The following RGS7 variants were observed in gnomAD, a reference collection of about 807,000 sequenced individuals.
The protein encoded by RGS7 is regulator of G-protein signaling 7.
RGS7 carries 27 observed loss-of-function variants against 81.1 expected under a neutral mutation model. The observed-to-expected ratio is 0.33, with a 90% CI of 0.25 to 0.46. The LOEUF is 0.46. RGS7 is among the 20% of genes least tolerant of loss of function. The probability of loss-of-function intolerance (pLI) is 1.00; values close to 1 mark genes in which losing one functional copy is unlikely to be tolerated. For missense variants in RGS7, 396 were observed against 607.4 expected, an observed-to-expected ratio of 0.65 and a Z score of 3.66; for synonymous variants, 208 against 207.7, an observed-to-expected ratio of 1.00 and a Z score of -0.01.
chr1:241,341,208 T>C (rs1313218886), intron 2 of RGS7, among the ~76,000 whole-genome samples: 1 of 152,158 alleles, frequency 6.6e-6, no homozygotes, highest in Non-Finnish European at 1.5e-5. Context: ...CAGAAATTAT[T>C]ATCCCTACTT....
At chr1:241,319,737 A>G (rs944180759) in intron 2 of RGS7, among the ~76,000 whole-genome samples, 3 of 152,178 alleles carry the variant, frequency 2.0e-5, no homozygotes, top group African/African-American at 7.2e-5. Flanking sequence ...TAACATAATC[A>G]TATCTCACTT....
intron 3 of RGS7, among the ~76,000 whole-genome samples, chr1:241,065,197 TATATC>T (rs1008476006): frequency 3.0e-5 from 3 of 98,522 alleles, no homozygotes; most frequent in South Asian, 4.5e-4. Flanking sequence ...GATTAAAAGA[TATATC>T]ATAGAGATAT....
At chr1:240,993,440 C>A (rs750221791) in intron 3 of RGS7, among the ~76,000 whole-genome samples, 9 of 152,114 alleles carry the variant, frequency 5.9e-5, no homozygotes, top group Non-Finnish European at 1.2e-4. Flanking sequence ...TGTTGATTTT[C>A]ATTTGTGTCT....
In RGS7 at chr1:240,798,104, G is replaced by A. The variant is rs116449956; in HGVS notation, c.*6+2537C>T. Among the ~76,000 whole-genome samples, 740 of 152,096 alleles carry A rather than the reference G, an allele frequency of 4.9e-3. 7 individuals are homozygous for A. The highest frequency in any genetic ancestry group is 0.017 in the African/African-American group (700 of 41,532). The stretch of plus-strand genomic sequence containing the variant: ...CACCTCACTATTTCCCCATTTTTTT[G>A]TCTGTGAAAAAAGGTGATACCTGCC... On this transcript the variant is annotated intron_variant, in intron 18 of 18. Coordinates refer to ENST00000440928, the MANE Select transcript of RGS7 (RefSeq NM_001364886.1).
At chr1:241,117,558 G>A (rs532145161) in intron 2 of RGS7, among the ~76,000 whole-genome samples, 11 of 152,274 alleles carry the variant, frequency 7.2e-5, no homozygotes, top group Non-Finnish European at 1.5e-4. Flanking sequence ...TGAACACTGA[G>A]TGCAAATCAG....
chr1:241,327,726 C>A (rs1049251750), intron 2 of RGS7, among the ~76,000 whole-genome samples: 1 of 152,126 alleles, frequency 6.6e-6, no homozygotes, highest in Non-Finnish European at 1.5e-5. Flanking sequence ...CAAGAATAAA[C>A]GTATGTAGGT....
chr1:241,335,927 AGT>A (rs111535434), intron 2 of RGS7, among the ~76,000 whole-genome samples: 2 of 152,112 alleles, frequency 1.3e-5, no homozygotes, highest in Non-Finnish European at 2.9e-5. Flanking sequence ...TGCTGATATG[AGT>A]GTGTGTTTCA....
intron 3 of RGS7, among the ~76,000 whole-genome samples, chr1:241,032,366 T>G (rs2060123037): frequency 6.6e-6 from 1 of 152,230 alleles, no homozygotes; most frequent in African/African-American, 2.4e-5. Context: ...CGTGCTGTTT[T>G]GATTATTGTA....
At chr1:241,306,325 AC>A (rs2080128666) in intron 2 of RGS7, among the ~76,000 whole-genome samples, 1 of 150,764 alleles carries the variant, frequency 6.6e-6, no homozygotes, top group South Asian at 2.1e-4. Context: ...CCATGTCCAC[AC>A]CCTTACACAC....
At chr1:241,334,527 G>C (rs1411401161) in intron 2 of RGS7, among the ~76,000 whole-genome samples, 1 of 152,160 alleles carries the variant, frequency 6.6e-6, no homozygotes, top group African/African-American at 2.4e-5. Context: ...ATATCCCGCA[G>C]GGGCCCATTC....
intron 5 of RGS7, among the ~76,000 whole-genome samples, chr1:240,931,611 C>CA (rs1157631315): frequency 6.6e-6 from 1 of 151,858 alleles, no homozygotes. Flanking sequence ...AAAAAACCTA[C>CA]AAAAAATAAA....
chr1:240,998,487 C>T (rs1335643165), intron 3 of RGS7: 38 of 1,033,520 alleles, frequency 3.7e-5, no homozygotes, highest in East Asian at 2.4e-4. Context: ...TCAGACTTCT[C>T]GGATTCTTCT....
intron 5 of RGS7, among the ~76,000 whole-genome samples, chr1:240,935,440 G>T (rs1205699967): frequency 6.6e-6 from 1 of 152,084 alleles, no homozygotes; most frequent in Admixed American, 6.5e-5. Context: ...AAAGAATAAA[G>T]CTCCATTAAT....
chr1:240,776,251 T>C, intron 18 of RGS7, 38 bp from the exon 19 acceptor site: 1 of 1,489,698 alleles, frequency 6.7e-7, no homozygotes, highest in Non-Finnish European at 9.4e-7. Flanking sequence ...AGAAAGAAAA[T>C]CAAGTACGAT....
chr1:241,098,401 G>A (rs144465112), intron 3 of RGS7, among the ~76,000 whole-genome samples: 44 of 152,076 alleles, frequency 2.9e-4, no homozygotes, highest in Admixed American at 1.5e-3. Context: ...TTTTTTATAC[G>A]TCTTTATTTA....
At chr1:241,183,987 C>T (rs754767732) in intron 2 of RGS7, among the ~76,000 whole-genome samples, 1 of 152,196 alleles carries the variant, frequency 6.6e-6, no homozygotes, top group Admixed American at 6.5e-5. Context: ...GAACAGGAGT[C>T]GATGGGAGTC....
At chr1:240,883,674 C>T (rs749612533) in intron 6 of RGS7, among the ~76,000 whole-genome samples, 3 of 152,206 alleles carry the variant, frequency 2.0e-5, no homozygotes, top group Non-Finnish European at 4.4e-5. Flanking sequence ...TCAACCAAGA[C>T]AATGCTCGGC....
intron 15 of RGS7, 131 bp downstream of exon 15, chr1:240,806,003 CAGTTAG>C (rs1324654583): frequency 2.6e-6 from 2 of 777,680 alleles, no homozygotes; most frequent in Non-Finnish European, 4.5e-6. Context: ...CTTCCTAGAT[CAGTTAG>C]AGTTATTTTA....
intron 4 of RGS7, among the ~76,000 whole-genome samples, chr1:240,949,749 G>A (rs1679236673): frequency 6.6e-6 from 1 of 151,834 alleles, no homozygotes; most frequent in South Asian, 2.1e-4. Context: ...TCGGGAGGCT[G>A]GGGCAGGAGA....
Sources: gnomAD v4.1 joint callset for allele counts (sites outside exome capture counted in the v4.1 genomes callset) on GRCh38, gnomAD v4.1.1 for gene constraint, MANE v1.5 for transcripts, NCBI Gene and HGNC (gene_info 2026-07-23, HGNC 2026-07-21) for gene names.